Variants in CTDSPL observed in about 807,000 individuals in gnomAD.
The protein encoded by CTDSPL is CTD small phosphatase-like protein.
A neutral mutation model predicts 30.5 loss-of-function variants in CTDSPL; 8 were observed. The observed-to-expected ratio is 0.26, with a 90% CI of 0.15 to 0.47. The LOEUF is 0.47. CTDSPL is among the 20% of genes least tolerant of loss of function. The pLI, the probability that CTDSPL is intolerant of heterozygous loss-of-function variation, is 0.99. For synonymous variants in CTDSPL, 110 were observed against 137.9 expected, an observed-to-expected ratio of 0.80 and a Z score of 1.42; for missense variants, 248 against 366.1, an observed-to-expected ratio of 0.68 and a Z score of 2.63.
chr3:37,951,021 AAAAAT>A (rs1699100577), intron 2 of CTDSPL, among the ~76,000 whole-genome samples: 1 of 152,214 alleles, frequency 6.6e-6, no homozygotes, highest in Non-Finnish European at 1.5e-5. Context: ...AGAGGGAACA[AAAAAT>A]AAAAATCTGG....
intron 2 of CTDSPL, chr3:37,954,380 G>C (rs1222414285): frequency 6.6e-6 from 1 of 152,324 alleles, no homozygotes; most frequent in Admixed American, 6.5e-5. Context: ...AGTCAATCTG[G>C]GAGACCAGAC....
At chr3:37,948,651 A>G (rs1226931748) in intron 2 of CTDSPL, among the ~76,000 whole-genome samples, 1 of 152,168 alleles carries the variant, frequency 6.6e-6, no homozygotes, top group Non-Finnish European at 1.5e-5. Context: ...ACAGGCTTGG[A>G]GTGTAGAAGC....
chr3:37,870,589 C>G (rs973924467), intron 1 of CTDSPL, among the ~76,000 whole-genome samples: 2 of 152,058 alleles, frequency 1.3e-5, no homozygotes, highest in African/African-American at 4.8e-5. Context: ...TATTTCCTTA[C>G]TTCCGCTTTA....
intron 1 of CTDSPL, among the ~76,000 whole-genome samples, chr3:37,880,430 C>T (rs1698190528): frequency 6.6e-6 from 1 of 152,110 alleles, no homozygotes; most frequent in Non-Finnish European, 1.5e-5. Flanking sequence ...CCAAAAGATG[C>T]CACTTTTGCC....
intron 1 of CTDSPL, among the ~76,000 whole-genome samples, chr3:37,905,708 T>A (rs761921916): frequency 1.8e-4 from 27 of 152,224 alleles, no homozygotes; most frequent in Admixed American, 3.9e-4. Flanking sequence ...AGTTGTGGTT[T>A]CTTTAGATTG....
chr3:37,964,517 C>T, intron 3 of CTDSPL, 54 bp from the exon 4 acceptor site: 1 of 1,242,608 alleles, frequency 8.0e-7, no homozygotes, highest in East Asian at 2.3e-5. Flanking sequence ...TAATGCAATA[C>T]TGATTGGTTT....
intron 1 of CTDSPL, among the ~76,000 whole-genome samples, chr3:37,910,911 C>T (rs752679091): frequency 1.7e-4 from 26 of 152,174 alleles, no homozygotes; most frequent in Non-Finnish European, 3.5e-4. Flanking sequence ...GGTTACAGCC[C>T]TTCCCAAGCT....
At chr3:37,940,017 G>A (rs1165496380) in intron 1 of CTDSPL, among the ~76,000 whole-genome samples, 7 of 149,788 alleles carry the variant, frequency 4.7e-5, no homozygotes, top group Non-Finnish European at 6.0e-5. Flanking sequence ...ACTTGAACCC[G>A]GGAGGCAGAG....
intron 3 of CTDSPL, among the ~76,000 whole-genome samples, chr3:37,962,288 A>T (rs1559645674): frequency 6.6e-6 from 1 of 152,228 alleles, no homozygotes; most frequent in Non-Finnish European, 1.5e-5. Flanking sequence ...AAGAATTTGC[A>T]TTAATCTAAA....
intron 3 of CTDSPL, among the ~76,000 whole-genome samples, chr3:37,957,861 G>T (rs1036849261): frequency 1.3e-5 from 2 of 152,160 alleles, no homozygotes; most frequent in Non-Finnish European, 2.9e-5. Context: ...CCCAGCCTGA[G>T]GCCAGTCAGT....
In CTDSPL at chr3:37,964,592, C is replaced by T. The variant is rs2125630686; in HGVS notation, c.289C>T (p.Pro97Ser). The T allele has an allele frequency of 6.2e-7, 1 of 1,613,656 alleles. No individual in the cohort carries two copies. The highest frequency in any genetic ancestry group is 8.5e-7 in the Non-Finnish European group (1 of 1,179,672). Residue 97 changes from proline (P) to serine (S), a missense_variant, in exon 4 of 8, where the codon CCA becomes TCA. Around this residue, in one of 4 missense-constraint regions of CTDSPL, gnomAD observed 45 missense variants for 83.1 expected, o/e 0.54. Transcript: ENST00000273179. Reference protein sequence around the residue: ...IPSPPAKYLLPEVTVLDYGKK... With the variant: ...IPSPPAKYLLSEVTVLDYGKK... ...TTAGCCACCAGCTAAGTACCTTCTT[C>T]CAGAGGTGACGGTGCTTGACTATGG...
chr3:37,917,964 G>C (rs888638471), intron 1 of CTDSPL, among the ~76,000 whole-genome samples: 1 of 152,110 alleles, frequency 6.6e-6, no homozygotes, highest in Non-Finnish European at 1.5e-5. Flanking sequence ...TCCAAGTTTC[G>C]TAGAACTATT....
At chr3:37,869,148 A>G (rs1340496287) in intron 1 of CTDSPL, among the ~76,000 whole-genome samples, 1 of 152,102 alleles carries the variant, frequency 6.6e-6, no homozygotes, top group African/African-American at 2.4e-5. Flanking sequence ...TTTAAACTAT[A>G]CATATTTTAA....
chr3:37,889,231 G>A (rs963043205), intron 1 of CTDSPL, among the ~76,000 whole-genome samples: 2 of 152,088 alleles, frequency 1.3e-5, no homozygotes, highest in Admixed American at 6.5e-5. Flanking sequence ...ACACTGTGCC[G>A]TAGAGGGAGG....
intron 6 of CTDSPL, among the ~76,000 whole-genome samples, chr3:37,973,315 A>T (rs1344983154): frequency 1.3e-5 from 2 of 152,236 alleles, no homozygotes; most frequent in Admixed American, 6.5e-5. Flanking sequence ...AAACAAGAAG[A>T]TTGCACCAAT....
intron 4 of CTDSPL, among the ~76,000 whole-genome samples, chr3:37,965,439 T>G (rs190552748): frequency 4.1e-4 from 62 of 152,138 alleles, no homozygotes; most frequent in African/African-American, 1.4e-3. Context: ...AAGAGGCAAA[T>G]GATGAAAAGT....
At chr3:37,950,909 A>G (rs1469683104) in intron 2 of CTDSPL, among the ~76,000 whole-genome samples, 1 of 152,218 alleles carries the variant, frequency 6.6e-6, no homozygotes, top group African/African-American at 2.4e-5. Flanking sequence ...AAAAATGTTT[A>G]TAGGCTACTG....
chr3:37,923,024 T>C (rs899741818), intron 1 of CTDSPL, among the ~76,000 whole-genome samples: 1 of 152,164 alleles, frequency 6.6e-6, no homozygotes, highest in African/African-American at 2.4e-5. Context: ...AAGAACCCAG[T>C]CTGAGCCATG....
chr3:37,983,011 G>T lies in CTDSPL; in HGVS notation c.*2144G>T, dbSNP rs1699510060. 2 of 206,148 alleles carry T rather than the reference G, an allele frequency of 9.7e-6. No individual in the cohort carries two copies. The highest frequency in any genetic ancestry group is 2.0e-5 in the Non-Finnish European group (2 of 98,646). 12.8% of individuals were successfully genotyped at this position (206,148 alleles called of 1,614,324 possible). A position where few individuals can be genotyped will look rare whatever the true frequency, so the allele number is the denominator to read the frequency against. On this transcript the variant is annotated 3_prime_UTR_variant, in exon 8 of 8. Transcript: ENST00000273179. ...ATATTTCATGGGAATCGAACCTAGG[G>T]ATAGTGCTCCACTTCTGACGATGGA...
Sources: allele counts gnomAD v4.1 joint callset (sites outside exome capture counted in the v4.1 genomes callset), GRCh38; gene constraint gnomAD v4.1.1; regional missense constraint gnomAD v4.1.1; transcripts MANE v1.5; gene names NCBI Gene and HGNC (gene_info 2026-07-23, HGNC 2026-07-21).